The following FCRL4 variants were observed in gnomAD, a reference collection of about 807,000 sequenced individuals.
FCRL4 encodes the protein Fc receptor like 4.
FCRL4 carries 43 observed loss-of-function variants against 64.1 expected under a neutral mutation model. The ratio of observed to expected loss-of-function variants is 0.67; its 90% CI spans 0.53 to 0.87. The LOEUF is 0.87. Among genes scored for constraint, FCRL4 ranks in the 40% least tolerant of loss-of-function variants. The probability of loss-of-function intolerance (pLI) is 0.00; values close to 1 mark genes in which losing one functional copy is unlikely to be tolerated. For missense variants in FCRL4, 656 were observed against 613.5 expected, an observed-to-expected ratio of 1.07 and a Z score of -0.73; for synonymous variants, 253 against 239.8, an observed-to-expected ratio of 1.05 and a Z score of -0.51.
chr1:157,578,579 A>G (rs762598569), intron 9 of FCRL4, 37 bp from the exon 10 acceptor site: 55 of 1,558,478 alleles, frequency 3.5e-5, no homozygotes, highest in Non-Finnish European at 4.7e-5. Context: ...TGTTCCTGTT[A>G]GTATTAAAGT....
chr1:157,589,099 C>G, intron 3 of FCRL4, 105 bp downstream of exon 3: 1 of 1,260,952 alleles, frequency 7.9e-7, no homozygotes, highest in South Asian at 1.5e-5. Context: ...GAGCTGGGAT[C>G]GAGGGTTAGA....
Position 157,574,015 on chromosome 1 carries a change from TTCTCTTTTTTTG to T in FCRL4, c.*1497_*1508del, listed in dbSNP as rs1043121969. The T allele has an allele frequency of 3.9e-5, 8 of 207,076 alleles. No homozygotes were observed. Among genetic ancestry groups the T allele is most frequent in the South Asian group, 1.9e-4 (1 of 5,308 alleles). The allele number at this position is 207,076 out of a possible 1,614,324, so 12.8% of individuals were successfully genotyped here. A position where few individuals can be genotyped will look rare whatever the true frequency, so the allele number is the denominator to read the frequency against. On this transcript the variant is annotated 3_prime_UTR_variant, in exon 12 of 12. Transcript: ENST00000271532. ...ATTTATATGTCTTCTATTTTTCTTT[TTCTCTTTTTTTG>T]GGGGTGATACATGTGACAAATTCAT...
Position 157,589,143 on chromosome 1 carries a change from A to C in FCRL4, c.307+61T>G, listed in dbSNP as rs1040620123. The C allele has an allele frequency of 5.1e-6, 8 of 1,560,202 alleles. No homozygotes were observed. In the East Asian group the frequency reaches 1.6e-4, roughly 31 times the overall value. ...AAAGACCCCAGTTCGTGGAATCTCC[A>C]GGGAGCTAAGATAAACTGATACCAT... On this transcript the variant is annotated intron_variant, in intron 3 of 11. Coordinates refer to ENST00000271532, the MANE Select transcript of FCRL4 (RefSeq NM_031282.3).
chr1:157,591,909 G>A (rs1226654759), intron 2 of FCRL4, among the ~76,000 whole-genome samples: 2 of 152,080 alleles, frequency 1.3e-5, no homozygotes, highest in African/African-American at 2.4e-5. Context: ...ATAGACCAAT[G>A]GAATGGAACA....
chr1:157,590,518 CTTT>C (rs143709985), intron 2 of FCRL4, among the ~76,000 whole-genome samples: 7 of 132,374 alleles, frequency 5.3e-5, no homozygotes, highest in East Asian at 2.2e-4. Context: ...GTTAGTCTGT[CTTT>C]TTTTTTTTTT....
intron 2 of FCRL4, among the ~76,000 whole-genome samples, chr1:157,594,965 C>T (rs1652927772): frequency 6.6e-6 from 1 of 152,214 alleles, no homozygotes; most frequent in Non-Finnish European, 1.5e-5. Flanking sequence ...GTGGCCTGAT[C>T]TCAGCTCATT....
intron 10 of FCRL4, among the ~76,000 whole-genome samples, chr1:157,578,050 C>G (rs541886119): frequency 2.9e-4 from 44 of 152,198 alleles, no homozygotes; most frequent in African/African-American, 1.0e-3. Context: ...GAATATAATA[C>G]TGTAAAAATC....
chr1:157,589,071 G>A (rs1652773846), intron 3 of FCRL4, 133 bp downstream of exon 3: 7 of 1,009,824 alleles, frequency 6.9e-6, no homozygotes, highest in African/African-American at 1.6e-5. Context: ...ACATTGGAGG[G>A]AAAATATGAA....
intron 8 of FCRL4, among the ~76,000 whole-genome samples, chr1:157,579,587 C>T (rs574765090): frequency 6.6e-6 from 1 of 152,074 alleles, no homozygotes; most frequent in South Asian, 2.1e-4. Flanking sequence ...TGTGGTGGCT[C>T]ATGCCTGTAA....
In FCRL4 at chr1:157,589,299, G is replaced by C; in HGVS notation, c.212C>G (p.Pro71Arg). 6.2e-7 allele frequency: 1 copy of C among 1,614,168 alleles called. No homozygotes were observed. Among genetic ancestry groups the C allele is most frequent in the Non-Finnish European group, 8.5e-7 (1 of 1,180,018 alleles). The change falls in exon 3 of 12, where the codon CCA (proline) becomes CGA (arginine). Residue 71 changes from proline (P) to arginine (R), a missense_variant. Transcript: ENST00000271532. ...HYWGEKLTLT[P>R]GNTLEVRESG... ...TTCCCGAACCTCGAGGGTGTTTCCT[G>C]GGGTCAGGGTCAACTTTTCTCCCCA...
rs1652785253 is a variant in FCRL4, at chr1:157,589,428, T to C, written c.83A>G (p.His28Arg). ...AAAHKPVISV[H>R]PPWTTFFKGE... ...TTTGAAGAATGTGGTCCATGGAGGATGGACGGAAATCACAGGTTTGTGTGC... is the reference window on the plus strand; with the variant it reads ...TTTGAAGAATGTGGTCCATGGAGGACGGACGGAAATCACAGGTTTGTGTGC... The change falls in exon 3 of 12, where the codon CAT (histidine) becomes CGT (arginine). Residue 28 changes from histidine (H) to arginine (R), a missense_variant. His to Arg is a conservative substitution (Grantham distance 29). Transcript: ENST00000271532. 4 of 1,614,044 alleles carry C rather than the reference T, an allele frequency of 2.5e-6. No homozygotes were observed. Among genetic ancestry groups the C allele is most frequent in the Non-Finnish European group, 3.4e-6 (4 of 1,180,010 alleles).
intron 7 of FCRL4, among the ~76,000 whole-genome samples, chr1:157,580,798 T>C (rs1652542157): frequency 1.3e-5 from 2 of 152,202 alleles, no homozygotes; most frequent in Non-Finnish European, 2.9e-5. Context: ...CTGTCAGGAA[T>C]CTGGAAAGTT....
At chr1:157,595,212 T>A (rs546865276) in intron 2 of FCRL4, among the ~76,000 whole-genome samples, 1 of 152,340 alleles carries the variant, frequency 6.6e-6, no homozygotes, top group East Asian at 1.9e-4. Flanking sequence ...TGCAGACACT[T>A]TTTAAAAAGA....
intron 2 of FCRL4, among the ~76,000 whole-genome samples, chr1:157,595,676 G>A (rs893301799): frequency 3.3e-5 from 5 of 152,246 alleles, no homozygotes; most frequent in Admixed American, 6.5e-5. Flanking sequence ...CCAAGGCACC[G>A]AGGAGGGGAA....
chr1:157,587,149 A>G, intron 5 of FCRL4, 127 bp downstream of exon 5: 1 of 1,015,686 alleles, frequency 9.8e-7, no homozygotes, highest in Non-Finnish European at 1.5e-6. Flanking sequence ...ATAGTACTGC[A>G]CTTCTTGGCC....
intron 2 of FCRL4, among the ~76,000 whole-genome samples, chr1:157,594,573 C>T (rs1216585641): frequency 6.6e-6 from 1 of 152,168 alleles, no homozygotes; most frequent in East Asian, 1.9e-4. Context: ...AAAATAAAAT[C>T]TCAATTTTGG....
chr1:157,589,779 T>A (rs1652796897), intron 2 of FCRL4, among the ~76,000 whole-genome samples: 1 of 152,130 alleles, frequency 6.6e-6, no homozygotes, highest in Non-Finnish European at 1.5e-5. Flanking sequence ...AGTTGGAAAT[T>A]GCATTTCTCC....
At position 157,573,803 on chromosome 1, in the gene FCRL4, C is replaced by T. The variant is rs1050775892; in HGVS notation, c.*1721G>A. ...AGTATAAGCGCTGAAAGTGAATATC[C>T]TTTTGCTTTTATAAAAACATCACTA... On this transcript the variant is annotated 3_prime_UTR_variant, in exon 12 of 12. Coordinates refer to ENST00000271532, the MANE Select transcript of FCRL4 (RefSeq NM_031282.3). The T allele has an allele frequency of 2.1e-5, 4 of 187,002 alleles. No homozygotes were observed. The highest frequency in any genetic ancestry group is 9.3e-5 in the African/African-American group (4 of 42,816). The allele number at this position is 187,002 out of a possible 1,614,324, so 11.6% of individuals were successfully genotyped here. A position where few individuals can be genotyped will look rare whatever the true frequency, so the allele number is the denominator to read the frequency against.
Position 157,574,608 on chromosome 1 carries a change from G to A in FCRL4, c.*916C>T. 1 of 208,286 alleles carries A rather than the reference G, an allele frequency of 4.8e-6. No homozygotes were observed. The highest frequency in any genetic ancestry group is 7.4e-5 in the East Asian group (1 of 13,500). 12.9% of individuals were successfully genotyped at this position (208,286 alleles called of 1,614,324 possible). A position where few individuals can be genotyped will look rare whatever the true frequency, so the allele number is the denominator to read the frequency against. On this transcript the variant is annotated 3_prime_UTR_variant, in exon 12 of 12. Coordinates refer to ENST00000271532, the MANE Select transcript of FCRL4 (RefSeq NM_031282.3). ...CAAAGACACAGTTCCTACAAGAAAA[G>A]CAACCTTATTTCCTTTGAGAAGGGA...
Sources: gnomAD v4.1 joint callset for allele counts (sites outside exome capture counted in the v4.1 genomes callset) on GRCh38, gnomAD v4.1.1 for gene constraint, MANE v1.5 for transcripts, NCBI Gene and HGNC (gene_info 2026-07-23, HGNC 2026-07-21) for gene names.